CCDC110: variants seen among roughly 807,000 people sequenced by gnomAD.
The protein encoded by CCDC110 is coiled-coil domain containing 110, also known as coiled-coil domain-containing protein 110.
In CCDC110, 70 loss-of-function variants were observed where a neutral mutation model predicts 77.1. The observed-to-expected ratio is 0.91, with a 90% CI of 0.75 to 1.11. CCDC110 has a LOEUF of 1.11. Ranked by LOEUF, CCDC110 falls within the 50% of genes least tolerant of loss-of-function variation. The pLI is 0.00. For missense variants in CCDC110, 868 were observed against 942.9 expected (o/e 0.92, Z 1.04); for synonymous variants, 295 against 312.5 (o/e 0.94, Z 0.59).
At chr4:185,470,626 G>A (rs909200215) in intron 2 of CCDC110, 4 of 498,582 alleles carry the variant, frequency 8.0e-6, no homozygotes, top group East Asian at 5.6e-5. Flanking sequence ...GTGAAGACAG[G>A]CAGTCCGGAG....
At position 185,459,300 on chromosome 4, in the gene CCDC110, C is replaced by G; in HGVS notation, c.1287G>C (p.Gln429His). Residue 429 changes from glutamine (Q) to histidine (H), a missense_variant, in exon 6 of 7, where the codon CAG becomes CAC. Physicochemically the swap from Gln to His is conservative, Grantham distance 24. Transcript: ENST00000307588. The part of the protein sequence containing the change: ...SVTEQCVAKI[Q>H]YLQNYLKESV... ...ATTCTTTTAGGTAATTCTGTAAGTA[C>G]TGAATTTTTGCAACACACTGCTCAG... The G allele has an allele frequency of 1.2e-6, 2 of 1,613,066 alleles. No individual in the cohort carries two copies. The highest frequency in any genetic ancestry group is 1.7e-6 in the Non-Finnish European group (2 of 1,179,390).
At position 185,459,681 on chromosome 4, in the gene CCDC110, G is replaced by T; in HGVS notation, c.906C>A (p.Asn302Lys). The change falls in exon 6 of 7, where the codon AAC becomes AAA. Residue 302 changes from asparagine (N) to lysine (K), a missense_variant. Physicochemically the swap from Asn to Lys is moderately conservative, Grantham distance 94. Transcript: ENST00000307588. ...NFIKEENLDG[N>K]LNEDIKSKRI... ...TCTTTGATTTTATATCTTCATTTAA[G>T]TTACCGTCCAAGTTTTCTTCCTTAA... 1 of 1,611,984 alleles carries T rather than the reference G, an allele frequency of 6.2e-7. No individual in the cohort carries two copies. The highest frequency in any genetic ancestry group is 8.5e-7 in the Non-Finnish European group (1 of 1,179,432).
intron 2 of CCDC110, among the ~76,000 whole-genome samples, chr4:185,464,871 T>C (rs1462966554): frequency 6.6e-6 from 1 of 152,218 alleles, no homozygotes; most frequent in Non-Finnish European, 1.5e-5. Context: ...TATTATTTCC[T>C]AAGAGATCCC....
chr4:185,461,813 T>C (rs1304691482), intron 4 of CCDC110, among the ~76,000 whole-genome samples: 1 of 152,176 alleles, frequency 6.6e-6, no homozygotes, highest in African/African-American at 2.4e-5. Context: ...GTGAGCAAAG[T>C]GTAGCCGGGT....
Position 185,471,036 on chromosome 4 carries a change from CCGG to C in CCDC110, c.21_23del (p.His7_Arg8delinsGln). The C allele has an allele frequency of 6.4e-7, 1 of 1,554,420 alleles. No homozygotes were observed. The highest frequency in any genetic ancestry group is 1.8e-5 in the Admixed American group (1 of 55,924). On this transcript the variant is annotated inframe_deletion, in exon 2 of 7. Transcript: ENST00000307588. ...GAACGGAGTCAACTTCATCCTCTTC[CCGG>C]TGCTGCTTTTCTGTAACAGAACCGT...
intron 6 of CCDC110, chr4:185,457,108 A>G: frequency 2.8e-6 from 1 of 357,214 alleles, no homozygotes; most frequent in East Asian, 7.9e-5. Context: ...TTAGTGTTTC[A>G]AAATTAACAT....
chr4:185,462,103 C>T (rs1296112544), intron 4 of CCDC110, among the ~76,000 whole-genome samples: 1 of 152,154 alleles, frequency 6.6e-6, no homozygotes, highest in Non-Finnish European at 1.5e-5. Flanking sequence ...CTTCTCAAAG[C>T]AAAGTGTACT....
At chr4:185,449,836 G>A (rs2095626094) in intron 6 of CCDC110, 5 of 423,684 alleles carry the variant, frequency 1.2e-5, no homozygotes, top group Middle Eastern at 6.3e-4. Flanking sequence ...ACACGTGGTT[G>A]TTGATTTATG....
chr4:185,453,050 T>C (rs758861378), intron 6 of CCDC110, among the ~76,000 whole-genome samples: 1 of 152,126 alleles, frequency 6.6e-6, no homozygotes, highest in Non-Finnish European at 1.5e-5. Context: ...TTTTATAAGC[T>C]GTAAAATAAA....
At chr4:185,470,377 A>G (rs1457379403) in intron 2 of CCDC110, among the ~76,000 whole-genome samples, 1 of 152,166 alleles carries the variant, frequency 6.6e-6, no homozygotes, top group Non-Finnish European at 1.5e-5. Flanking sequence ...GTAATACCTT[A>G]TACAATGTAA....
chr4:185,459,062 T>C lies in CCDC110; in HGVS notation c.1525A>G (p.Lys509Glu), dbSNP rs750219411. ...EYSKECLKEF[K>E]KIISKYNVLQ... Reference sequence around the variant, plus strand: ...ACATTATATTTACTAATTATTTTTTTAAATTCTTTAAGACACTCTTTGCTG... The same window carrying C: ...ACATTATATTTACTAATTATTTTTTCAAATTCTTTAAGACACTCTTTGCTG... The change falls in exon 6 of 7, where the codon AAA (lysine) becomes GAA (glutamate). Residue 509 changes from lysine (K) to glutamate (E), a missense_variant. Physicochemically the swap from Lys to Glu is moderately conservative, Grantham distance 56. Transcript: ENST00000307588. 11 of 1,565,084 alleles carry C rather than the reference T, an allele frequency of 7.0e-6. No individual in the cohort carries two copies. In the East Asian group the frequency reaches 2.0e-4, roughly 29 times the overall value.
intron 4 of CCDC110, among the ~76,000 whole-genome samples, chr4:185,461,926 G>T (rs766490392): frequency 1.1e-4 from 16 of 152,090 alleles, no homozygotes; most frequent in Non-Finnish European, 2.1e-4. Flanking sequence ...GGCGAAACCT[G>T]GTCTCTACTA....
chr4:185,456,002 A>G (rs550677844), intron 6 of CCDC110, among the ~76,000 whole-genome samples: 4 of 152,344 alleles, frequency 2.6e-5, no homozygotes, highest in Admixed American at 2.0e-4. Context: ...ACAAGCAGAC[A>G]CAAGATCAGT....
intron 6 of CCDC110, among the ~76,000 whole-genome samples, chr4:185,449,311 A>G (rs1034097807): frequency 6.6e-6 from 1 of 152,290 alleles, no homozygotes; most frequent in Non-Finnish European, 1.5e-5. Flanking sequence ...GCTTGAGCCC[A>G]GGATTTTAAG....
chr4:185,447,142 T>C (rs553677088), intron 6 of CCDC110, among the ~76,000 whole-genome samples: 1 of 152,280 alleles, frequency 6.6e-6, no homozygotes, highest in East Asian at 1.9e-4. Context: ...CCTTGTATGA[T>C]AGTTATTTTG....
chr4:185,448,597 G>T (rs889089873), intron 6 of CCDC110, among the ~76,000 whole-genome samples: 2 of 152,168 alleles, frequency 1.3e-5, no homozygotes, highest in Non-Finnish European at 2.9e-5. Flanking sequence ...TTGTCTACAG[G>T]AATACTATTC....
intron 2 of CCDC110, among the ~76,000 whole-genome samples, chr4:185,466,227 T>C (rs1370277389): frequency 1.3e-5 from 2 of 151,906 alleles, no homozygotes; most frequent in Non-Finnish European, 2.9e-5. Context: ...TACAAAAAAT[T>C]TGCTGGGTGT....
intron 6 of CCDC110, among the ~76,000 whole-genome samples, chr4:185,456,114 TGGGCAA>T (rs1337575699): frequency 6.7e-6 from 1 of 150,252 alleles, no homozygotes; most frequent in East Asian, 2.0e-4. Flanking sequence ...GACCTTATTC[TGGGCAA>T]TAAAACAAGT....
rs2095659776 is a variant in CCDC110, at chr4:185,468,314, G to A, written c.115+2631C>T. ...ATAAAGCCCTTACTGAGGTGTACGA[G>A]GTGTACGGCACATAGTGAATGCTCA... On this transcript the variant is annotated intron_variant, in intron 2 of 6. Coordinates refer to ENST00000307588, the MANE Select transcript of CCDC110 (RefSeq NM_152775.4). This position sits in a 1 kb window ranked among gnomAD's most constrained non-coding sequence, Gnocchi z 4.5. Among the ~76,000 whole-genome samples, 1 of 152,198 alleles carries A rather than the reference G, an allele frequency of 6.6e-6. No homozygotes were observed. The highest frequency in any genetic ancestry group is 6.5e-5 in the Admixed American group (1 of 15,284).
Sources: allele counts gnomAD v4.1 joint callset (sites outside exome capture counted in the v4.1 genomes callset), GRCh38; gene constraint gnomAD v4.1.1; non-coding constraint Gnocchi (gnomAD v3.1); transcripts MANE v1.5; gene names NCBI Gene and HGNC (gene_info 2026-07-23, HGNC 2026-07-21).